GNS: variants seen among roughly 807,000 people sequenced by gnomAD.
GNS encodes the protein N-acetylglucosamine-6-sulfatase.
GNS carries 40 observed loss-of-function variants against 69.7 expected under a neutral mutation model. That is an observed-to-expected ratio of 0.57 (90% CI 0.45 to 0.75). The LOEUF is 0.75. Among genes scored for constraint, GNS ranks in the 30% least tolerant of loss-of-function variants. The probability of loss-of-function intolerance (pLI) is 0.00; values close to 1 mark genes in which losing one functional copy is unlikely to be tolerated. For missense variants in GNS, 565 were observed against 685.5 expected, an observed-to-expected ratio of 0.82 and a Z score of 1.96; for synonymous variants, 243 against 251.6, an observed-to-expected ratio of 0.97 and a Z score of 0.32.
chr12:64,736,940 G>A, intron 9 of GNS, 64 bp downstream of exon 9: 1 of 845,396 alleles, frequency 1.2e-6, no homozygotes, highest in Non-Finnish European at 2.1e-6. Flanking sequence ...ATCTCAGGAG[G>A]AAACACCTTA....
Position 64,759,118 on chromosome 12 carries a change from G to A in GNS, c.159C>T (p.Leu53=), listed in dbSNP as rs2136259284. Residue 53 remains leucine (L), a synonymous_variant, in exon 1 of 14, where the codon CTC becomes CTT. Coordinates refer to ENST00000258145, the MANE Select transcript of GNS (RefSeq NM_002076.4). ...GTRRPNVVLL[L]TDDQDEVLGG... is the part of the protein sequence containing the mutation. Reference sequence around the variant, plus strand: ...CGAGCACTTCGTCCTGGTCGTCCGTGAGGAGCAGCACCACGTTGGGCCTCC... The same window carrying A: ...CGAGCACTTCGTCCTGGTCGTCCGTAAGGAGCAGCACCACGTTGGGCCTCC... The A allele has an allele frequency of 1.9e-6, 3 of 1,564,090 alleles. No homozygotes were observed. Among genetic ancestry groups the A allele is most frequent in the Non-Finnish European group, 2.6e-6 (3 of 1,154,378 alleles).
In GNS at chr12:64,716,213, C is replaced by T. The variant is rs2136235072; in HGVS notation, c.*528G>A. On this transcript the variant is annotated 3_prime_UTR_variant, in exon 14 of 14. Coordinates refer to ENST00000258145, the MANE Select transcript of GNS (RefSeq NM_002076.4). ...AAATGTATCTCTACTTATCAATCAA[C>T]AATGGTACTTGTTCTTACTTGGATG... is the stretch of plus-strand genomic sequence containing the variant. The T allele has an allele frequency of 5.5e-6, 1 of 181,064 alleles. No individual in the cohort carries two copies. The highest frequency in any genetic ancestry group is 2.3e-5 in the African/African-American group (1 of 42,560). 11.2% of individuals were successfully genotyped at this position (181,064 alleles called of 1,614,324 possible).
intron 2 of GNS, among the ~76,000 whole-genome samples, chr12:64,752,100 G>A (rs902005505): frequency 9.6e-6 from 1 of 104,080 alleles, no homozygotes; most frequent in African/African-American, 2.9e-5. Context: ...GGGCCAGAGA[G>A]GTTAAATAGT....
chr12:64,730,934 A>G (rs1276293016), intron 9 of GNS, among the ~76,000 whole-genome samples: 2 of 152,234 alleles, frequency 1.3e-5, no homozygotes, highest in Non-Finnish European at 2.9e-5. Flanking sequence ...ATGATGTCCA[A>G]GGCAGTTTTA....
chr12:64,730,040 G>C (rs534075517), intron 9 of GNS, among the ~76,000 whole-genome samples: 11 of 152,296 alleles, frequency 7.2e-5, no homozygotes, highest in Admixed American at 2.0e-4. Context: ...CAGGCCTAGA[G>C]AGAATGTAAG....
rs574433285 is a variant in GNS, at chr12:64,741,206, CA to C, written c.793-519del. 2.9e-4 allele frequency among the ~76,000 whole-genome samples: 31 copies of C among 105,524 alleles called. 3 individuals are homozygous for C. The highest frequency in any genetic ancestry group is 6.6e-4 in the Admixed American group (6 of 9,068). 69.2% of individuals were successfully genotyped at this position (105,524 alleles called of 152,430 possible). A position where few individuals can be genotyped will look rare whatever the true frequency, so the allele number is the denominator to read the frequency against. ...TGGGCGACAGAGCGAGACTCCGTCT[CA>C]AAAAAAAAAAAAAAAAAGAAAATGG... is the stretch of plus-strand genomic sequence containing the variant. On this transcript the variant is annotated intron_variant, in intron 6 of 13. Transcript: ENST00000258145.
intron 10 of GNS, among the ~76,000 whole-genome samples, chr12:64,724,491 T>A (rs1219036477): frequency 6.6e-6 from 1 of 151,960 alleles, no homozygotes; most frequent in Non-Finnish European, 1.5e-5. Flanking sequence ...TCCTAACTTG[T>A]TGTTCTACAA....
intron 6 of GNS, among the ~76,000 whole-genome samples, chr12:64,741,527 C>T (rs1175311688): frequency 6.6e-6 from 1 of 151,962 alleles, no homozygotes; most frequent in Admixed American, 6.6e-5. Flanking sequence ...CTCAGGTGAT[C>T]CTCTTGCCTT....
chr12:64,753,036 A>G, intron 1 of GNS: 1 of 476,064 alleles, frequency 2.1e-6, no homozygotes, highest in Non-Finnish European at 3.8e-6. Flanking sequence ...CAGCGCCCAG[A>G]TAAGGCAGAT....
At chr12:64,749,209 G>A (rs557383900) in intron 2 of GNS, among the ~76,000 whole-genome samples, 1 of 148,512 alleles carries the variant, frequency 6.7e-6, no homozygotes, top group Non-Finnish European at 1.5e-5. Context: ...AAAGTGCTGG[G>A]ATTACAGGCG....
At chr12:64,728,361 TCTGA>T (rs1236833787) in intron 10 of GNS, among the ~76,000 whole-genome samples, 5 of 152,282 alleles carry the variant, frequency 3.3e-5, no homozygotes, top group Admixed American at 1.3e-4. Flanking sequence ...AGTTAACTTG[TCTGA>T]CTGTTTTTGA....
chr12:64,734,074 C>T (rs1185031489), intron 9 of GNS, among the ~76,000 whole-genome samples: 2 of 152,202 alleles, frequency 1.3e-5, no homozygotes, highest in Non-Finnish European at 2.9e-5. Context: ...GACAACTATG[C>T]TGCCAACACA....
chr12:64,756,104 C>A (rs746443413), intron 1 of GNS, among the ~76,000 whole-genome samples: 1 of 152,174 alleles, frequency 6.6e-6, no homozygotes, highest in African/African-American at 2.4e-5. Flanking sequence ...CAGAGTCCCA[C>A]AGATACCTGG....
chr12:64,723,916 G>A (rs563335304), intron 10 of GNS, among the ~76,000 whole-genome samples: 25 of 152,314 alleles, frequency 1.6e-4, no homozygotes, highest in Admixed American at 1.6e-3. Context: ...AACAGCAGGT[G>A]ATGGGAAATC....
At chr12:64,736,967 C>T in intron 9 of GNS, 37 bp downstream of exon 9, 2 of 1,003,304 alleles carry the variant, frequency 2.0e-6, no homozygotes, top group Non-Finnish European at 3.2e-6. Context: ...CAGGCAAGTG[C>T]CTACCTGTCC....
Position 64,737,004 on chromosome 12 carries a change from C to T in GNS, c.1098G>A (p.Lys366=), listed in dbSNP as rs1347212841. The T allele has an allele frequency of 1.6e-5, 24 of 1,498,314 alleles. No individual in the cohort carries two copies. In the Admixed American group the frequency reaches 4.0e-4, roughly 25 times the overall value. 92.8% of individuals were successfully genotyped at this position (1,498,314 alleles called of 1,614,324 possible). ...GPGIKPNQTS[K]MLVANIDLGP... is the part of the protein sequence containing the mutation. ...CAGCACCAGCTTGTCAGGCACCTAC[C>T]TTGCTTGTCTGATTTGGTTTGATCC... is the stretch of plus-strand genomic sequence containing the variant. The change falls in exon 9 of 14, where the codon AAG becomes AAA. Residue 366 remains lysine (K), a splice_region_variant and synonymous_variant. Transcript: ENST00000258145.
At position 64,714,924 on chromosome 12, in the gene GNS, T is replaced by C. The variant is rs1868815083; in HGVS notation, c.*1817A>G. ...GAGGTGTCCATTTCACTTGCCTGTTTCACCTCTAGATACCACCACAGTTGC... is the reference window on the plus strand; with the variant it reads ...GAGGTGTCCATTTCACTTGCCTGTTCCACCTCTAGATACCACCACAGTTGC... On this transcript the variant is annotated 3_prime_UTR_variant, in exon 14 of 14. Coordinates refer to ENST00000258145, the MANE Select transcript of GNS (RefSeq NM_002076.4). 6.6e-6 allele frequency: 1 copy of C among 152,642 alleles called. No homozygotes were observed. Among genetic ancestry groups the C allele is most frequent in the Admixed American group, 6.5e-5 (1 of 15,274 alleles). The allele number at this position is 152,642 out of a possible 1,614,324, so 9.5% of individuals were successfully genotyped here. A position where few individuals can be genotyped will look rare whatever the true frequency, so the allele number is the denominator to read the frequency against.
At position 64,743,189 on chromosome 12, in the gene GNS, G is replaced by A. The variant is rs1378658191; in HGVS notation, c.744C>T (p.Phe248=). Residue 248 remains phenylalanine (F), a synonymous_variant, in exon 6 of 14, where the codon TTC becomes TTT. Coordinates refer to ENST00000258145, the MANE Select transcript of GNS (RefSeq NM_002076.4). ...WTAAPQYQKA[F]QNVFAPRNKN... Reference sequence around the variant, plus strand: ...TGTTTCTTGGTGCAAAGACATTCTGGAAAGCCTTCTGGTACTGAGGTGCAG... The same window carrying A: ...TGTTTCTTGGTGCAAAGACATTCTGAAAAGCCTTCTGGTACTGAGGTGCAG... 1 of 1,613,596 alleles carries A rather than the reference G, an allele frequency of 6.2e-7. No homozygotes were observed. Among genetic ancestry groups the A allele is most frequent in the Admixed American group, 1.7e-5 (1 of 60,014 alleles).
intron 7 of GNS, among the ~76,000 whole-genome samples, 199 bp downstream of exon 7, chr12:64,740,407 T>C (rs896657213): frequency 6.6e-6 from 1 of 152,228 alleles, no homozygotes; most frequent in Admixed American, 6.5e-5. Flanking sequence ...TAATTAGTAC[T>C]GGGGTCCAAA....
Sources: gnomAD v4.1 joint callset for allele counts (sites outside exome capture counted in the v4.1 genomes callset) on GRCh38, gnomAD v4.1.1 for gene constraint, MANE v1.5 for transcripts, NCBI Gene and HGNC (gene_info 2026-07-23, HGNC 2026-07-21) for gene names.